The following IQCJ variants were observed in gnomAD, a reference collection of about 807,000 sequenced individuals.
IQCJ encodes the protein IQ domain-containing protein J.
Under a neutral mutation model 11.0 loss-of-function variants are expected in IQCJ, and 9 were observed. The ratio of observed to expected loss-of-function variants is 0.82; its 90% CI spans 0.49 to 1.43. IQCJ has a LOEUF of 1.43. Ranked by LOEUF, IQCJ falls within the 40% of genes most tolerant of loss-of-function variation. IQCJ has a pLI of 0.00. For synonymous variants in IQCJ, 55 were observed against 51.3 expected, an observed-to-expected ratio of 1.07 and a Z score of -0.31; for missense variants, 146 against 133.2, an observed-to-expected ratio of 1.10 and a Z score of -0.47.
At chr3:159,145,955 CA>C (rs1720904697) in intron 1 of IQCJ, among the ~76,000 whole-genome samples, 1 of 152,046 alleles carries the variant, frequency 6.6e-6, no homozygotes. Context: ...TTATCGGAGC[CA>C]ACAAGTAGCT....
intron 2 of IQCJ, among the ~76,000 whole-genome samples, chr3:159,250,596 A>G (rs1156499058): frequency 6.6e-6 from 1 of 152,204 alleles, no homozygotes; most frequent in African/African-American, 2.4e-5. Flanking sequence ...ACCTCTTCAC[A>G]GGGCAGCAGG....
At chr3:159,102,054 C>G (rs1717964327) in intron 1 of IQCJ, among the ~76,000 whole-genome samples, 1 of 152,196 alleles carries the variant, frequency 6.6e-6, no homozygotes, top group Non-Finnish European at 1.5e-5. Context: ...TTCTCTTGCT[C>G]TTTCGCTATA....
chr3:159,137,265 A>G (rs1720345570), intron 1 of IQCJ, among the ~76,000 whole-genome samples: 1 of 129,424 alleles, frequency 7.7e-6, no homozygotes, highest in African/African-American at 4.0e-5. Flanking sequence ...CCATCTTGGA[A>G]AAAAAAAAAA....
intron 1 of IQCJ, among the ~76,000 whole-genome samples, chr3:159,109,241 T>C (rs1400996903): frequency 1.3e-5 from 2 of 152,184 alleles, no homozygotes; most frequent in African/African-American, 2.4e-5. Flanking sequence ...AAGAAGGTAT[T>C]AGTTCCCATA....
At chr3:159,180,023 T>G (rs73877522) in intron 1 of IQCJ, among the ~76,000 whole-genome samples, 7,314 of 152,234 alleles carry the variant, frequency 0.048, 577 homozygotes, top group African/African-American at 0.17. Context: ...TTTTAGATTT[T>G]AGAAGAAGCA....
chr3:159,087,672 T>C (rs1266736651), intron 1 of IQCJ, among the ~76,000 whole-genome samples: 2 of 144,046 alleles, frequency 1.4e-5, no homozygotes, highest in East Asian at 4.1e-4. Flanking sequence ...AAGGAATTTA[T>C]CCATTTCTTC....
At position 159,189,958 on chromosome 3, in the gene IQCJ, C is replaced by A. The variant is rs530099433; in HGVS notation, c.10-55885C>A. Among the ~76,000 whole-genome samples the A allele has an allele frequency of 2.1e-4, 32 of 152,262 alleles. No homozygotes were observed. In the South Asian group the frequency reaches 6.4e-3, roughly 31 times the overall value. On this transcript the variant is annotated intron_variant, in intron 1 of 3. Coordinates refer to ENST00000397832, the MANE Select transcript of IQCJ (RefSeq NM_001042706.3). ...TCACTCAGGAAAGGGCCTAACAAACCCATTTGTATCAAGATAGGAATGCCT... is the reference window on the plus strand; with the variant it reads ...TCACTCAGGAAAGGGCCTAACAAACACATTTGTATCAAGATAGGAATGCCT...
intron 1 of IQCJ, among the ~76,000 whole-genome samples, chr3:159,132,260 A>G (rs1169318678): frequency 6.6e-6 from 1 of 152,098 alleles, no homozygotes; most frequent in African/African-American, 2.4e-5. Context: ...TCTTTTTCAT[A>G]CATAACCCAA....
chr3:159,133,640 CAGG>C (rs1177303226), intron 1 of IQCJ, among the ~76,000 whole-genome samples: 1 of 152,138 alleles, frequency 6.6e-6, no homozygotes, highest in Non-Finnish European at 1.5e-5. Context: ...CAGAGGATGA[CAGG>C]AGAAGTGGGA....
intron 1 of IQCJ, among the ~76,000 whole-genome samples, chr3:159,174,223 C>T (rs1722650445): frequency 6.6e-6 from 1 of 152,046 alleles, no homozygotes; most frequent in South Asian, 2.1e-4. Flanking sequence ...TTTATGGTTG[C>T]CATCTTCCAG....
At chr3:159,249,669 G>A (rs914664278) in intron 2 of IQCJ, among the ~76,000 whole-genome samples, 3 of 152,200 alleles carry the variant, frequency 2.0e-5, no homozygotes, top group African/African-American at 4.8e-5. Context: ...TAGGCATTTC[G>A]TTATAGCTGC....
chr3:159,141,704 ATTT>A (rs777990795), intron 1 of IQCJ, among the ~76,000 whole-genome samples: 69 of 152,210 alleles, frequency 4.5e-4, no homozygotes, highest in Non-Finnish European at 9.3e-4. Flanking sequence ...TAGATGTATG[ATTT>A]TGATAAGTAA....
chr3:159,173,243 A>G (rs1722594456), intron 1 of IQCJ, among the ~76,000 whole-genome samples: 1 of 152,170 alleles, frequency 6.6e-6, no homozygotes, highest in Non-Finnish European at 1.5e-5. Flanking sequence ...GCATTCCTTA[A>G]TGCTAGATTC....
Position 159,092,571 on chromosome 3 carries a change from A to G in IQCJ, c.9+23130A>G, listed in dbSNP as rs769685521. Among the ~76,000 whole-genome samples, 30 of 151,600 alleles carry G rather than the reference A, an allele frequency of 2.0e-4. 1 individual carries two copies. Among genetic ancestry groups the G allele is most frequent in the Non-Finnish European group, 8.8e-5 (6 of 68,004 alleles). The stretch of plus-strand genomic sequence containing the variant: ...AAATTAGCCAGGCGTGGTGACAGGC[A>G]TCTGTAGTCCCAGCTACTCGGGAGG... On this transcript the variant is annotated intron_variant, in intron 1 of 3. Coordinates refer to ENST00000397832, the MANE Select transcript of IQCJ (RefSeq NM_001042706.3).
intron 2 of IQCJ, among the ~76,000 whole-genome samples, chr3:159,249,824 CAGTT>C (rs996638092): frequency 2.6e-5 from 4 of 151,934 alleles, no homozygotes; most frequent in East Asian, 3.9e-4. Flanking sequence ...TTGTGGTAGA[CAGTT>C]AGTGTGAAGG....
chr3:159,232,451 CTTTTT>C (rs35423818), intron 1 of IQCJ, among the ~76,000 whole-genome samples: 1 of 83,760 alleles, frequency 1.2e-5, no homozygotes, highest in Non-Finnish European at 2.3e-5. Flanking sequence ...GAGAGACTTT[CTTTTT>C]TTTTTTTTTT....
intron 1 of IQCJ, among the ~76,000 whole-genome samples, chr3:159,216,545 C>A (rs1725245587): frequency 6.6e-6 from 1 of 152,258 alleles, no homozygotes; most frequent in East Asian, 1.9e-4. Flanking sequence ...CTGTACCCTG[C>A]AGGATTCTCA....
At chr3:159,225,297 T>A (rs1233275774) in intron 1 of IQCJ, among the ~76,000 whole-genome samples, 1 of 152,110 alleles carries the variant, frequency 6.6e-6, no homozygotes, top group African/African-American at 2.4e-5. Context: ...AAAGGTTACA[T>A]GATGTATAAA....
chr3:159,223,913 C>T (rs1725694052), intron 1 of IQCJ, among the ~76,000 whole-genome samples: 1 of 151,990 alleles, frequency 6.6e-6, no homozygotes, highest in South Asian at 2.1e-4. Context: ...TGGGTCCCAT[C>T]CCCAAGATAT....
Sources: gnomAD v4.1 joint callset for allele counts (sites outside exome capture counted in the v4.1 genomes callset) on GRCh38, gnomAD v4.1.1 for gene constraint, MANE v1.5 for transcripts, NCBI Gene and HGNC (gene_info 2026-07-23, HGNC 2026-07-21) for gene names.